The following CRAMP1 variants were observed in gnomAD, a reference collection of about 807,000 sequenced individuals.
CRAMP1 encodes the protein protein cramped-like.
A neutral mutation model predicts 115.4 loss-of-function variants in CRAMP1; 50 were observed. That is an observed-to-expected ratio of 0.43 (90% confidence interval 0.35 to 0.55). The LOEUF (loss-of-function observed/expected upper bound fraction) is 0.55, where lower values mean the gene tolerates loss of function less well. Ranked by LOEUF, CRAMP1 falls within the 20% of genes least tolerant of loss-of-function variation. The probability of loss-of-function intolerance (pLI) is 0.01; values close to 1 mark genes in which losing one functional copy is unlikely to be tolerated. For missense variants in CRAMP1, 1,679 were observed against 1,721.7 expected (o/e 0.98, Z 0.44); for synonymous variants, 866 against 745.4 (o/e 1.16, Z -2.64).
chr16:1,654,938 A>ACCCACG (rs1222828075), intron 8 of CRAMP1, among the ~76,000 whole-genome samples: 3 of 152,354 alleles, frequency 2.0e-5, no homozygotes, highest in East Asian at 1.9e-4. Context: ...GTGCGCCAGC[A>ACCCACG]CCCACGCCCA....
chr16:1,633,840 C>T (rs1164788274), intron 4 of CRAMP1, among the ~76,000 whole-genome samples: 4 of 152,124 alleles, frequency 2.6e-5, no homozygotes, highest in African/African-American at 7.2e-5. Flanking sequence ...GAGGCAGAGG[C>T]GGGCGGATCA....
Position 1,672,243 on chromosome 16 carries a change from T to C in CRAMP1, c.3645+1434T>C, listed in dbSNP as rs1238866002. ...GCAACAGATGGCACTTGGGAGTGAG[T>C]AGCAGAGAAAGGGTGCAGTTAGTAT... On this transcript the variant is annotated intron_variant, in intron 20 of 20. Coordinates refer to ENST00000397412, the MANE Select transcript of CRAMP1 (RefSeq NM_020825.4). This position sits in a 1 kb window ranked among gnomAD's most constrained non-coding sequence, Gnocchi z 4.9. 2.0e-5 allele frequency among the ~76,000 whole-genome samples: 3 copies of C among 152,118 alleles called. No individual in the cohort carries two copies. The highest frequency in any genetic ancestry group is 7.2e-5 in the African/African-American group (3 of 41,404).
Position 1,656,477 on chromosome 16 carries a change from C to G in CRAMP1, c.1720C>G (p.Pro574Ala). The G allele has an allele frequency of 6.3e-7, 1 of 1,579,352 alleles. No homozygotes were observed. The highest frequency in any genetic ancestry group is 1.4e-5 in the African/African-American group (1 of 74,052). The change falls in exon 10 of 21, where the codon CCC (proline) becomes GCC (alanine). Residue 574 changes from proline to alanine, a missense_variant. By Grantham distance (27) the Pro-to-Ala change is conservative. This residue lies in a region of CRAMP1 where 405 missense variants were observed against 302.6 expected (regional missense o/e 1.34). Coordinates refer to ENST00000397412, the MANE Select transcript of CRAMP1 (RefSeq NM_020825.4). This position sits in a 1 kb window ranked among gnomAD's most constrained non-coding sequence, Gnocchi z 5.6. ...YLKSCQDLIVPEQCRCADTRP... is the reference protein window; with the variant it reads ...YLKSCQDLIVAEQCRCADTRP... ...AAAGTCCTGTCAGGACCTCATTGTCCCCGAGCAGTGCCGCTGTGCGGACAC... is the reference window on the plus strand; with the variant it reads ...AAAGTCCTGTCAGGACCTCATTGTCGCCGAGCAGTGCCGCTGTGCGGACAC...
chr16:1,631,106 C>G (rs1474516034), intron 3 of CRAMP1, among the ~76,000 whole-genome samples: 1 of 152,208 alleles, frequency 6.6e-6, no homozygotes, highest in Non-Finnish European at 1.5e-5. Context: ...TGTTACTGTG[C>G]TGTTTGCTCC....
In CRAMP1 at chr16:1,614,455, C is replaced by T. The variant is rs1260705835; in HGVS notation, c.-1-184C>T. ...AGGGTCCCGGGCTGGTGGGCAGGGCCGGGGGCGGCGGCGTGGGGGCGGCAG... is the reference window on the plus strand; with the variant it reads ...AGGGTCCCGGGCTGGTGGGCAGGGCTGGGGGCGGCGGCGTGGGGGCGGCAG... On this transcript the variant is annotated intron_variant, in intron 1 of 20. Transcript: ENST00000397412. The surrounding 1 kb of genome is among the most constrained non-coding windows in gnomAD (Gnocchi z 4.4). Among the ~76,000 whole-genome samples the T allele has an allele frequency of 8.5e-6, 1 of 117,698 alleles. No homozygotes were observed. The highest frequency in any genetic ancestry group is 3.1e-5 in the African/African-American group (1 of 32,060). The allele number at this position is 117,698 out of a possible 152,430, so 77.2% of individuals were successfully genotyped here.
chr16:1,664,533 C>T (rs1474366215), intron 13 of CRAMP1, among the ~76,000 whole-genome samples: 1 of 152,300 alleles, frequency 6.6e-6, no homozygotes, highest in Admixed American at 6.5e-5. Context: ...AATCCCAGCA[C>T]TTTGGGAGGC....
intron 2 of CRAMP1, among the ~76,000 whole-genome samples, chr16:1,621,006 C>T (rs999493763): frequency 5.9e-5 from 9 of 151,980 alleles, no homozygotes; most frequent in African/African-American, 1.9e-4. Context: ...CTACCCATTG[C>T]GAGGACAGGA....
intron 11 of CRAMP1, among the ~76,000 whole-genome samples, chr16:1,661,952 G>A (rs574035788): frequency 1.2e-4 from 19 of 152,266 alleles, no homozygotes; most frequent in African/African-American, 3.1e-4. Context: ...TTTACACCAG[G>A]GAGCAGCAAG....
At position 1,656,382 on chromosome 16, in the gene CRAMP1, C is replaced by T. The variant is rs199732432; in HGVS notation, c.1625C>T (p.Pro542Leu). 103 of 1,596,804 alleles carry T rather than the reference C, an allele frequency of 6.5e-5. No individual in the cohort carries two copies. The African/African-American group carries it at 8.2e-4, about 13-fold the overall frequency. Residue 542 changes from proline to leucine, a missense_variant, in exon 10 of 21, where the codon CCG (proline) becomes CTG (leucine). Coordinates refer to ENST00000397412, the MANE Select transcript of CRAMP1 (RefSeq NM_020825.4). This position sits in a 1 kb window ranked among gnomAD's most constrained non-coding sequence, Gnocchi z 5.6. ...CCCACCCGGGAGCCAGGGGCCTTGC[C>T]GTGTGCCTGTGGCCAGCTCCCAGAC... Reference protein sequence around the residue: ...DSPTREPGALPCACGQLPDLE... With the variant: ...DSPTREPGALLCACGQLPDLE...
chr16:1,628,332 C>T (rs2036522777), intron 3 of CRAMP1, among the ~76,000 whole-genome samples: 1 of 152,228 alleles, frequency 6.6e-6, no homozygotes, highest in African/African-American at 2.4e-5. Context: ...TGGCTAAATG[C>T]AGCCTCCACC....
chr16:1,626,858 G>T (rs2036512364), intron 3 of CRAMP1, among the ~76,000 whole-genome samples: 2 of 151,918 alleles, frequency 1.3e-5, no homozygotes, highest in African/African-American at 4.8e-5. Flanking sequence ...GTGTGCTTTT[G>T]TAAAAACATC....
At position 1,676,353 on chromosome 16, in the gene CRAMP1, C is replaced by T. The variant is rs544632332; in HGVS notation, c.*2308C>T. ...CTGACAAGAGTTCTAGAGGATTCTG[C>T]TTCTCTAGTAACTAGACAGGTGATA... On this transcript the variant is annotated 3_prime_UTR_variant, in exon 21 of 21. Coordinates refer to ENST00000397412, the MANE Select transcript of CRAMP1 (RefSeq NM_020825.4). 1 of 152,416 alleles carries T rather than the reference C, an allele frequency of 6.6e-6. No individual in the cohort carries two copies. Among genetic ancestry groups the T allele is most frequent in the African/African-American group, 2.4e-5 (1 of 41,580 alleles). 9.4% of individuals were successfully genotyped at this position (152,416 alleles called of 1,614,324 possible). A position where few individuals can be genotyped will look rare whatever the true frequency, so the allele number is the denominator to read the frequency against.
chr16:1,674,437 T>A lies in CRAMP1; in HGVS notation c.*392T>A, dbSNP rs2036950247. ...AGTTGCTGTGCACTAGGAGCTGTGATCTCCCTCTCTGCAGGGAGGCCCCAG... is the reference window on the plus strand; with the variant it reads ...AGTTGCTGTGCACTAGGAGCTGTGAACTCCCTCTCTGCAGGGAGGCCCCAG... On this transcript the variant is annotated 3_prime_UTR_variant, in exon 21 of 21. Coordinates refer to ENST00000397412, the MANE Select transcript of CRAMP1 (RefSeq NM_020825.4). The A allele has an allele frequency of 4.7e-6, 1 of 214,282 alleles. No individual in the cohort carries two copies. Among genetic ancestry groups the A allele is most frequent in the African/African-American group, 2.3e-5 (1 of 43,304 alleles). The allele number at this position is 214,282 out of a possible 1,614,324, so 13.3% of individuals were successfully genotyped here.
Position 1,670,385 on chromosome 16 carries a change from G to A in CRAMP1, c.3500-279G>A, listed in dbSNP as rs565733009. 3 of 403,428 alleles carry A rather than the reference G, an allele frequency of 7.4e-6. No homozygotes were observed. In the South Asian group the frequency reaches 1.1e-4, roughly 14 times the overall value. The allele number at this position is 403,428 out of a possible 1,614,324, so 25.0% of individuals were successfully genotyped here. On this transcript the variant is annotated intron_variant, in intron 19 of 20. Transcript: ENST00000397412. ...GATGGGGGTGGGGGATGGCAGCGAGGGTGGGAGACCGTGATGGGGGTGGGG... is the reference window on the plus strand; with the variant it reads ...GATGGGGGTGGGGGATGGCAGCGAGAGTGGGAGACCGTGATGGGGGTGGGG...
At chr16:1,632,157 CAG>C in intron 3 of CRAMP1, 53 bp from the exon 4 acceptor site, 1 of 1,517,440 alleles carries the variant, frequency 6.6e-7, no homozygotes, top group Non-Finnish European at 8.9e-7. Context: ...CCAGTTAACA[CAG>C]AAAGCTGCAT....
chr16:1,641,933 T>A (rs2036636268), intron 6 of CRAMP1, among the ~76,000 whole-genome samples: 1 of 151,572 alleles, frequency 6.6e-6, no homozygotes, highest in Non-Finnish European at 1.5e-5. Context: ...AGCCTGGGGG[T>A]TCCCAGTGCA....
Position 1,653,119 on chromosome 16 carries a change from G to A in CRAMP1, c.1000G>A (p.Ala334Thr). Reference protein sequence around the residue: ...ELQPRNNHAWARVQSLAQNPR... With the variant: ...ELQPRNNHAWTRVQSLAQNPR... ...ACAGCCGCGGAACAACCACGCCTGGGCCCGTGTGCAGAGCCTTGCCCAGAA... is the reference window on the plus strand; with the variant it reads ...ACAGCCGCGGAACAACCACGCCTGGACCCGTGTGCAGAGCCTTGCCCAGAA... Residue 334 changes from alanine (A) to threonine (T), a missense_variant, in exon 8 of 21, where the codon GCC becomes ACC. Ala to Thr is a moderately conservative substitution (Grantham distance 58). Transcript: ENST00000397412. 1.9e-6 allele frequency: 3 copies of A among 1,611,254 alleles called. No individual in the cohort carries two copies. The highest frequency in any genetic ancestry group is 2.5e-6 in the Non-Finnish European group (3 of 1,178,722).
rs2036701002 is a variant in CRAMP1, at chr16:1,649,069, A to AG, written c.828-3427_828-3426insG. On this transcript the variant is annotated intron_variant, in intron 6 of 20. Coordinates refer to ENST00000397412, the MANE Select transcript of CRAMP1 (RefSeq NM_020825.4). ...GCAAGACTCCATCTAAAAAAAAAAA[A>AG]AAGAAGTTTGTCTCAGTACAACATG... 2.0e-5 allele frequency among the ~76,000 whole-genome samples: 3 copies of AG among 152,184 alleles called. No homozygotes were observed. The East Asian group carries it at 5.8e-4, about 29-fold the overall frequency.
Position 1,612,446 on chromosome 16 carries a change from C to G in CRAMP1, c.-213C>G, listed in dbSNP as rs1185774351. Reference sequence around the variant, plus strand: ...GGGTGAGTGGCGGCAGTATCTGCGTCCGCAGCCCCCGCAGCCGCGCGCCGG... The same window carrying G: ...GGGTGAGTGGCGGCAGTATCTGCGTGCGCAGCCCCCGCAGCCGCGCGCCGG... On this transcript the variant is annotated 5_prime_UTR_variant, in exon 1 of 21. Coordinates refer to ENST00000397412, the MANE Select transcript of CRAMP1 (RefSeq NM_020825.4). The G allele has an allele frequency of 2.0e-5, 3 of 151,096 alleles. No individual in the cohort carries two copies. Among genetic ancestry groups the G allele is most frequent in the Admixed American group, 1.3e-4 (2 of 15,174 alleles). 9.4% of individuals were successfully genotyped at this position (151,096 alleles called of 1,614,324 possible). A position where few individuals can be genotyped will look rare whatever the true frequency, so the allele number is the denominator to read the frequency against.
Sources: allele counts gnomAD v4.1 joint callset (sites outside exome capture counted in the v4.1 genomes callset), GRCh38; gene constraint gnomAD v4.1.1; regional missense constraint gnomAD v4.1.1; non-coding constraint Gnocchi (gnomAD v3.1); transcripts MANE v1.5; gene names NCBI Gene and HGNC (gene_info 2026-07-23, HGNC 2026-07-21).